IAH1: variants seen among roughly 807,000 people sequenced by gnomAD.
The protein encoded by IAH1 is isoamyl acetate hydrolyzing esterase 1 (putative), also known as isoamyl acetate-hydrolyzing esterase 1 homolog.
IAH1 carries 24 observed loss-of-function variants against 26.7 expected under a neutral mutation model. The ratio of observed to expected loss-of-function variants is 0.90; its 90% CI spans 0.65 to 1.26. The LOEUF is 1.26. Ranked by LOEUF, IAH1 falls within the 50% of genes most tolerant of loss-of-function variation. The probability of loss-of-function intolerance (pLI) is 0.00; values close to 1 mark genes in which losing one functional copy is unlikely to be tolerated. For synonymous variants in IAH1, 140 were observed against 118.5 expected (o/e 1.18, Z -1.18); for missense variants, 300 against 299.9 (o/e 1.00, Z 0.00).
downstream of IAH1, chr2:9,491,119 C>T (rs764926423): frequency 5.6e-6 from 9 of 1,613,206 alleles, no homozygotes; most frequent in Admixed American, 1.7e-5. Flanking sequence ...GAAACAGAGA[C>T]AGAGATTCAT....
At chr2:9,477,859 G>C (rs1354333980) in intron 2 of IAH1, among the ~76,000 whole-genome samples, 3 of 152,070 alleles carry the variant, frequency 2.0e-5, no homozygotes, top group Non-Finnish European at 2.9e-5. Context: ...TTAAGTTCCA[G>C]GATATTAGTG....
At chr2:9,493,078 C>G (rs1454302604), downstream of IAH1, 11 of 1,058,290 alleles carry the variant, frequency 1.0e-5, no homozygotes, top group Admixed American at 1.0e-4. Flanking sequence ...GTGTCAAATG[C>G]CAGAGCTGCT....
chr2:9,480,388 C>T (rs1233055706), intron 3 of IAH1, among the ~76,000 whole-genome samples: 2 of 152,050 alleles, frequency 1.3e-5, no homozygotes, highest in African/African-American at 4.8e-5. Flanking sequence ...AGTCCCAGTA[C>T]TTAGGAAGCT....
chr2:9,479,039 A>T (rs1558476700), intron 3 of IAH1, among the ~76,000 whole-genome samples: 1 of 152,180 alleles, frequency 6.6e-6, no homozygotes, highest in African/African-American at 2.4e-5. Context: ...TCACGGGCAC[A>T]CCGTAGGAGA....
intron 3 of IAH1, among the ~76,000 whole-genome samples, chr2:9,479,003 G>A (rs927384059): frequency 1.3e-5 from 2 of 152,162 alleles, no homozygotes; most frequent in African/African-American, 2.4e-5. Context: ...CCCTACTTGT[G>A]TCACAGAAGT....
downstream of IAH1, among the ~76,000 whole-genome samples, chr2:9,494,384 C>G (rs1228515167): frequency 6.6e-6 from 1 of 152,182 alleles, no homozygotes; most frequent in African/African-American, 2.4e-5. Context: ...AACCAACCAA[C>G]TTTACCATAA....
At position 9,474,968 on chromosome 2, in the gene IAH1, G is replaced by T. The variant is rs80349396; in HGVS notation, c.81+321G>T. ...GGTCTTCCCCTCAGCGCCCTCCTGG[G>T]CAGCGGCCTTTCCCCTCCGGGTCCG... On this transcript the variant is annotated intron_variant, in intron 1 of 5. Transcript: ENST00000497473. The surrounding 1 kb of genome is among the most constrained non-coding windows in gnomAD (Gnocchi z 4.3). 7.7e-3 allele frequency: 8,330 copies of T among 1,080,154 alleles called. 509 individuals carry two copies. The African/African-American group carries it at 0.13, about 17-fold the overall frequency. 66.9% of individuals were successfully genotyped at this position (1,080,154 alleles called of 1,614,324 possible).
intron 1 of IAH1, chr2:9,475,084 C>G: frequency 8.1e-7 from 1 of 1,237,324 alleles, no homozygotes; most frequent in South Asian, 1.3e-5. Context: ...TCGCCCCATT[C>G]CCTGCGGGCA....
the IAH1 span, among the ~76,000 whole-genome samples, chr2:9,506,366 T>G: frequency 3.9e-4 from 56 of 142,968 alleles, 1 homozygote; most frequent in East Asian, 8.7e-3. Context: ...TCTGTTTTTT[T>G]TTTTTTTTTT....
chr2:9,497,209 T>C, downstream of IAH1: 1 of 1,614,226 alleles, frequency 6.2e-7, no homozygotes, highest in Non-Finnish European at 8.5e-7. Flanking sequence ...AACAGTGTCA[T>C]CTTCAGCATT....
chr2:9,509,827 A>T, the IAH1 span: 1 of 1,021,468 alleles, frequency 9.8e-7, no homozygotes, highest in Non-Finnish European at 1.4e-6. Context: ...GCTTCACCCC[A>T]AAACACACAA....
downstream of IAH1, chr2:9,491,174 T>G (rs755493332): frequency 7.5e-6 from 12 of 1,604,938 alleles, no homozygotes; most frequent in Non-Finnish European, 1.0e-5. Flanking sequence ...AGCAAGAAGG[T>G]CATTCCCTAC....
At chr2:9,476,331 C>T (rs1469933410) in intron 2 of IAH1, among the ~76,000 whole-genome samples, 1 of 152,262 alleles carries the variant, frequency 6.6e-6, no homozygotes, top group Non-Finnish European at 1.5e-5. Context: ...GCTGCTATGA[C>T]TGCAGAACTT....
chr2:9,507,500 C>G, the IAH1 span, among the ~76,000 whole-genome samples: 1 of 151,934 alleles, frequency 6.6e-6, no homozygotes, highest in African/African-American at 2.4e-5. Context: ...AGACTCCACT[C>G]AAAAAATCAT....
At chr2:9,492,449 A>C (rs568120960), downstream of IAH1, among the ~76,000 whole-genome samples, 1 of 152,362 alleles carries the variant, frequency 6.6e-6, no homozygotes, top group Admixed American at 6.5e-5. Context: ...GCTGGGCCCC[A>C]GTCCCTACAT....
chr2:9,492,148 T>G (rs1221039291), downstream of IAH1, among the ~76,000 whole-genome samples: 1 of 152,196 alleles, frequency 6.6e-6, no homozygotes, highest in Non-Finnish European at 1.5e-5. Context: ...AGAGTTGTGC[T>G]GGAATTTTTA....
Position 9,478,298 on chromosome 2 carries a change from AG to A in IAH1, c.213del (p.Gly73GlufsTer8), listed in dbSNP as rs774772893. 1.2e-5 allele frequency: 20 copies of A among 1,613,336 alleles called. No homozygotes were observed. The highest frequency in any genetic ancestry group is 1.7e-5 in the Non-Finnish European group (20 of 1,179,382). ...WAKIILPRLI[R>X]KGNSLDIPVA... ...CAAAATTATCCTTCCAAGATTAATC[AG>A]GAAAGGAAACAGTTTGGACATCCCA... On this transcript the variant is annotated frameshift_variant, in exon 3 of 6. Transcript: ENST00000497473. LOFTEE classifies it high-confidence loss of function.
At chr2:9,479,108 C>G (rs149497774) in intron 3 of IAH1, among the ~76,000 whole-genome samples, 7 of 152,274 alleles carry the variant, frequency 4.6e-5, no homozygotes, top group African/African-American at 1.7e-4. Flanking sequence ...AATTCTTGCT[C>G]TCTAGGAGAA....
At chr2:9,503,769 C>T in the IAH1 span, among the ~76,000 whole-genome samples, 2 of 148,204 alleles carry the variant, frequency 1.3e-5, no homozygotes, top group Non-Finnish European at 3.0e-5. Flanking sequence ...ACCCAGGAGG[C>T]GGAGGTTGCA....
Sources: gnomAD v4.1 joint callset for allele counts (sites outside exome capture counted in the v4.1 genomes callset) on GRCh38, gnomAD v4.1.1 for gene constraint, Gnocchi (gnomAD v3.1) non-coding constraint, MANE v1.5 for transcripts, NCBI Gene and HGNC (gene_info 2026-07-23, HGNC 2026-07-21) for gene names.